F5: variants seen among roughly 807,000 people sequenced by gnomAD.
F5 encodes coagulation factor V.
F5 carries 138 observed loss-of-function variants against 216.4 expected under a neutral mutation model. That is an observed-to-expected ratio of 0.64 (90% CI 0.56 to 0.73). F5 has a LOEUF of 0.73. F5 is among the 30% of genes least tolerant of loss of function. The pLI, the probability that F5 is intolerant of heterozygous loss-of-function variation, is 0.00. For missense variants in F5, 2,403 were observed against 2,674.0 expected (o/e 0.90, Z 2.24); for synonymous variants, 916 against 930.7 (o/e 0.98, Z 0.29).
chr1:169,544,011 A>G (rs1659935166), intron 12 of F5, among the ~76,000 whole-genome samples: 1 of 152,178 alleles, frequency 6.6e-6, no homozygotes, highest in Non-Finnish European at 1.5e-5. Flanking sequence ...TGTGGCCAAA[A>G]TATTTATGCT....
intron 3 of F5, among the ~76,000 whole-genome samples, chr1:169,563,774 C>A (rs58131257): frequency 3.1e-4 from 47 of 151,918 alleles, no homozygotes; most frequent in Non-Finnish European, 5.9e-4. Context: ...TCATCATGCT[C>A]ATGCTTTTCT....
At position 169,556,664 on chromosome 1, in the gene F5, T is replaced by A. The variant is rs1571587416; in HGVS notation, c.934A>T (p.Thr312Ser). Residue 312 changes from threonine to serine, a missense_variant, in exon 6 of 25, where the codon ACC (threonine) becomes TCC (serine). By Grantham distance (58) the Thr-to-Ser change is moderately conservative. Transcript: ENST00000367797. ...PEGKWIISSL[T>S]PKHLQAGMQA... Reference sequence around the variant, plus strand: ...TTCTTGCCTTGCAAATGTTTTGGGGTGAGAGAAGATATGATCCACTTTCCC... The same window carrying A: ...TTCTTGCCTTGCAAATGTTTTGGGGAGAGAGAAGATATGATCCACTTTCCC... The A allele has an allele frequency of 1.9e-6, 3 of 1,613,730 alleles. No homozygotes were observed. The highest frequency in any genetic ancestry group is 2.5e-6 in the Non-Finnish European group (3 of 1,179,948).
chr1:169,544,356 C>T lies in F5; in HGVS notation c.1915G>A (p.Asp639Asn). ...HSFIYGKRHE[D>N]TLTLFPMRGE... ...CGCATGGGGAAGAGGGTCAAGGTGT[C>T]CTCATGCCTCTTTCCATAGATGAAT... Residue 639 changes from aspartate to asparagine, a missense_variant, in exon 12 of 25, where the codon GAC becomes AAC. Coordinates refer to ENST00000367797, the MANE Select transcript of F5 (RefSeq NM_000130.5). 1 of 1,614,116 alleles carries T rather than the reference C, an allele frequency of 6.2e-7. No homozygotes were observed. The highest frequency in any genetic ancestry group is 1.1e-5 in the South Asian group (1 of 91,082).
intron 6 of F5, among the ~76,000 whole-genome samples, chr1:169,556,425 T>TTAAAAAAAAAAAAAAAAAAAAAA (rs549256084): frequency 3.4e-5 from 2 of 58,906 alleles, no homozygotes; most frequent in African/African-American, 1.8e-4. Context: ...TTTGCTTAAT[T>TTAAAAAAAAAAAAAAAAAAAAAA]AAAAAAAAAA....
chr1:169,514,484 T>G (rs1242161607), intron 24 of F5, 25 bp from the exon 25 acceptor site: 1 of 1,607,074 alleles, frequency 6.2e-7, no homozygotes, highest in Non-Finnish European at 8.5e-7. Flanking sequence ...AGAGAAAATC[T>G]TTAATGACAA....
chr1:169,515,713 G>A lies in F5; in HGVS notation c.6346-87C>T, dbSNP rs972629328. 13 of 1,360,106 alleles carry A rather than the reference G, an allele frequency of 9.6e-6. No individual in the cohort carries two copies. The African/African-American group carries it at 1.7e-4, about 18-fold the overall frequency. The allele number at this position is 1,360,106 out of a possible 1,614,324, so 84.3% of individuals were successfully genotyped here. ...ACCAAGTTATGCAAAAAAGCACAGA[G>A]CTCAAAAGGATTTTGTTCTATCTTA... On this transcript the variant is annotated intron_variant, in intron 23 of 24. Coordinates refer to ENST00000367797, the MANE Select transcript of F5 (RefSeq NM_000130.5).
chr1:169,580,589 G>A (rs960027023), intron 2 of F5, among the ~76,000 whole-genome samples: 2 of 151,916 alleles, frequency 1.3e-5, no homozygotes, highest in Admixed American at 1.3e-4. Context: ...TCACCATGTG[G>A]GCCAGGCTGG....
intron 14 of F5, 135 bp from the exon 15 acceptor site, chr1:169,531,157 A>C: frequency 1.4e-6 from 1 of 690,180 alleles, no homozygotes; most frequent in Non-Finnish European, 2.5e-6. Context: ...ACTTATGTAT[A>C]TTATTTCATT....
chr1:169,515,569 C>T lies in F5; in HGVS notation c.6403G>A (p.Ala2135Thr), dbSNP rs767524616. Residue 2135 changes from alanine (A) to threonine (T), a missense_variant, in exon 24 of 25, where the codon GCA becomes ACA. Physicochemically the swap from Ala to Thr is moderately conservative, Grantham distance 58. Coordinates refer to ENST00000367797, the MANE Select transcript of F5 (RefSeq NM_000130.5). Reference protein sequence around the residue: ...IDLLKIKKITAIITQGCKSLS... With the variant: ...IDLLKIKKITTIITQGCKSLS... ...GACTTGCAGCCCTGTGTTATAATTGCCGTTATCTTCTTGATCTTGAGTAGA... is the reference window on the plus strand; with the variant it reads ...GACTTGCAGCCCTGTGTTATAATTGTCGTTATCTTCTTGATCTTGAGTAGA... The T allele has an allele frequency of 6.2e-7, 1 of 1,613,330 alleles. No individual in the cohort carries two copies. The highest frequency in any genetic ancestry group is 8.5e-7 in the Non-Finnish European group (1 of 1,179,646).
At chr1:169,532,534 C>T (rs1421849000) in intron 14 of F5, among the ~76,000 whole-genome samples, 1 of 152,030 alleles carries the variant, frequency 6.6e-6, no homozygotes, top group Non-Finnish European at 1.5e-5. Flanking sequence ...ATCAATTATA[C>T]AAAATAAAAT....
chr1:169,568,222 T>C (rs1259226340), intron 3 of F5, among the ~76,000 whole-genome samples: 1 of 152,128 alleles, frequency 6.6e-6, no homozygotes, highest in African/African-American at 2.4e-5. Context: ...AAATGAATGA[T>C]GTTAATTAAG....
intron 23 of F5, chr1:169,515,867 T>G (rs1201775736): frequency 3.9e-6 from 2 of 507,812 alleles, no homozygotes; most frequent in East Asian, 7.3e-5. Context: ...CATTCCTTAC[T>G]GCTTAAGGGT....
At chr1:169,519,894 A>G (rs1027323406) in intron 22 of F5, among the ~76,000 whole-genome samples, 2 of 152,232 alleles carry the variant, frequency 1.3e-5, no homozygotes, top group East Asian at 1.9e-4. Flanking sequence ...AGAACAGTTA[A>G]GACTCTTAAA....
Position 169,543,133 on chromosome 1 carries a change from C to A in F5, c.1976-19G>T. ...CAAGTTCCTACAGAAGAGAGACAGA[C>A]AGAAGAGAGATCTGGAAGTCTGGGA... On this transcript the variant is annotated intron_variant, in intron 12 of 24. Transcript: ENST00000367797. 1.9e-6 allele frequency: 3 copies of A among 1,608,090 alleles called. No individual in the cohort carries two copies. The highest frequency in any genetic ancestry group is 2.6e-6 in the Non-Finnish European group (3 of 1,176,176).
intron 7 of F5, among the ~76,000 whole-genome samples, chr1:169,553,504 C>T (rs1411703990): frequency 1.3e-5 from 2 of 152,132 alleles, no homozygotes; most frequent in African/African-American, 4.8e-5. Context: ...GTCAGGAGAT[C>T]GAGACCATCC....
intron 5 of F5, 148 bp from the exon 6 acceptor site, chr1:169,557,015 G>T (rs1660347742): frequency 2.0e-5 from 14 of 713,306 alleles, no homozygotes; most frequent in Non-Finnish European, 3.3e-5. Context: ...GTTGTAGTTT[G>T]TGCCCTGCAA....
chr1:169,586,129 T>TAAAAAA (rs372224504), intron 1 of F5, 100 bp downstream of exon 1: 2 of 1,075,228 alleles, frequency 1.9e-6, no homozygotes, highest in African/African-American at 1.7e-5. Context: ...TACCTGAAGT[T>TAAAAAA]AAAAAAAAAA....
At position 169,560,543 on chromosome 1, in the gene F5, G is replaced by T. The variant is rs199638362; in HGVS notation, c.586+11C>A. On this transcript the variant is annotated intron_variant, in intron 4 of 24. Coordinates refer to ENST00000367797, the MANE Select transcript of F5 (RefSeq NM_000130.5). Reference sequence around the variant, plus strand: ...TTTAGTTGTTGAATCTTTTGGTGGGGGTGTTCTTACCTTTTTTACAGATAA... The same window carrying T: ...TTTAGTTGTTGAATCTTTTGGTGGGTGTGTTCTTACCTTTTTTACAGATAA... The T allele has an allele frequency of 4.2e-5, 68 of 1,612,122 alleles. No individual in the cohort carries two copies. In the East Asian group the frequency reaches 1.5e-3, roughly 34 times the overall value.
At chr1:169,520,710 A>G in intron 21 of F5, 46 bp from the exon 22 acceptor site, 7 of 1,534,496 alleles carry the variant, frequency 4.6e-6, no homozygotes, top group Non-Finnish European at 6.3e-6. Flanking sequence ...TGATCTATAA[A>G]GTGACTTTAT....
Sources: gnomAD v4.1 joint callset for allele counts (sites outside exome capture counted in the v4.1 genomes callset) on GRCh38, gnomAD v4.1.1 for gene constraint, MANE v1.5 for transcripts, NCBI Gene and HGNC (gene_info 2026-07-23, HGNC 2026-07-21) for gene names.